Variants in SPATS2L observed in about 807,000 individuals in gnomAD.
SPATS2L encodes spermatogenesis associated serine rich 2 like, also known as SPATS2-like protein.
SPATS2L carries 30 observed loss-of-function variants against 59.6 expected under a neutral mutation model. The observed-to-expected ratio is 0.50, with a 90% CI of 0.38 to 0.68. The LOEUF (loss-of-function observed/expected upper bound fraction) is 0.68, where lower values mean the gene tolerates loss of function less well. SPATS2L is among the 30% of genes least tolerant of loss of function. The pLI is 0.00. For synonymous variants in SPATS2L, 252 were observed against 263.5 expected, an observed-to-expected ratio of 0.96 and a Z score of 0.42; for missense variants, 615 against 700.0, an observed-to-expected ratio of 0.88 and a Z score of 1.37.
chr2:200,346,464 C>G (rs2080516479), intron 2 of SPATS2L, among the ~76,000 whole-genome samples: 1 of 152,180 alleles, frequency 6.6e-6, no homozygotes, highest in Non-Finnish European at 1.5e-5. Flanking sequence ...CTTCATAACT[C>G]AAGACCAAAG....
intron 3 of SPATS2L, among the ~76,000 whole-genome samples, chr2:200,409,567 G>A (rs1180911995): frequency 2.6e-5 from 4 of 152,082 alleles, no homozygotes; most frequent in East Asian, 1.9e-4. Flanking sequence ...CTCCACATTC[G>A]CCAAGCCAAG....
At chr2:200,391,444 A>G (rs2082170574) in intron 3 of SPATS2L, among the ~76,000 whole-genome samples, 1 of 152,176 alleles carries the variant, frequency 6.6e-6, no homozygotes, top group Non-Finnish European at 1.5e-5. Context: ...CATGTAGTTT[A>G]TTTCATAAAT....
At chr2:200,419,572 G>A in intron 6 of SPATS2L, 76 bp downstream of exon 6, 2 of 1,507,874 alleles carry the variant, frequency 1.3e-6, no homozygotes, top group Non-Finnish European at 9.0e-7. Flanking sequence ...TGGGGCTGCT[G>A]TTGATGTTGT....
intron 2 of SPATS2L, among the ~76,000 whole-genome samples, chr2:200,366,656 A>G (rs2081277920): frequency 6.6e-6 from 1 of 152,242 alleles, no homozygotes; most frequent in African/African-American, 2.4e-5. Context: ...GCAAACTAAC[A>G]TCCCAGCAAA....
At chr2:200,350,697 T>C (rs2080693176) in intron 2 of SPATS2L, among the ~76,000 whole-genome samples, 1 of 152,042 alleles carries the variant, frequency 6.6e-6, no homozygotes, top group South Asian at 2.1e-4. Flanking sequence ...CTATGTTTTT[T>C]TGTTTGTTTG....
At chr2:200,325,489 C>T (rs2079705050) in intron 1 of SPATS2L, among the ~76,000 whole-genome samples, 2 of 152,168 alleles carry the variant, frequency 1.3e-5, no homozygotes, top group Admixed American at 6.5e-5. Context: ...AGTAATTCTG[C>T]TGCCTCAGCC....
chr2:200,477,825 G>C lies in SPATS2L; in HGVS notation c.1471G>C (p.Glu491Gln). 4 of 1,577,952 alleles carry C rather than the reference G, an allele frequency of 2.5e-6. No individual in the cohort carries two copies. Among genetic ancestry groups the C allele is most frequent in the Non-Finnish European group, 3.4e-6 (4 of 1,161,900 alleles). Residue 491 changes from glutamate (E) to glutamine (Q), a missense_variant, in exon 13 of 13, where the codon GAG (glutamate) becomes CAG (glutamine). Coordinates refer to ENST00000409140, the MANE Select transcript of SPATS2L (RefSeq NM_001100423.2). The part of the protein sequence containing the change: ...PKNKGGAKNQ[E>Q]ASLGMKTPEA... ...AAACAAAGGCGGTGCCAAAAATCAA[G>C]AGGCTTCCTTGGGGATGAAGACCCC... is the stretch of plus-strand genomic sequence containing the variant.
chr2:200,411,456 T>TA (rs1553524072), intron 3 of SPATS2L, among the ~76,000 whole-genome samples: 1 of 147,028 alleles, frequency 6.8e-6, no homozygotes, highest in Non-Finnish European at 1.5e-5. Flanking sequence ...AATGATCACT[T>TA]ACCTTTGCAC....
chr2:200,362,109 T>C (rs943808028), intron 2 of SPATS2L, among the ~76,000 whole-genome samples: 1 of 151,962 alleles, frequency 6.6e-6, no homozygotes, highest in Non-Finnish European at 1.5e-5. Flanking sequence ...TAGCTAGGCA[T>C]GGTGGCACAT....
At position 200,467,305 on chromosome 2, in the gene SPATS2L, C is replaced by T; in HGVS notation, c.863C>T (p.Ala288Val). The part of the protein sequence containing the change: ...VKEEAMEILT[A>V]RQKKAEELKR... ...TATTTGGCAGTGGAAATCCTGACTG[C>T]TCGTCAGAAGAAAGCAGAAGAACTA... is the stretch of plus-strand genomic sequence containing the variant. The change falls in exon 10 of 13, where the codon GCT becomes GTT. Residue 288 changes from alanine (A) to valine (V), a missense_variant. Physicochemically the swap from Ala to Val is moderately conservative, Grantham distance 64. Transcript: ENST00000409140. 6.2e-7 allele frequency: 1 copy of T among 1,613,482 alleles called. No individual in the cohort carries two copies. The highest frequency in any genetic ancestry group is 8.5e-7 in the Non-Finnish European group (1 of 1,179,408).
chr2:200,474,368 A>G (rs1026928570), intron 12 of SPATS2L, among the ~76,000 whole-genome samples: 4 of 150,662 alleles, frequency 2.7e-5, no homozygotes, highest in African/African-American at 9.8e-5. Flanking sequence ...TTTTTTTGGC[A>G]CAATCTCGGC....
chr2:200,331,021 C>T (rs1574414513), intron 2 of SPATS2L, among the ~76,000 whole-genome samples: 1 of 152,162 alleles, frequency 6.6e-6, no homozygotes, highest in East Asian at 1.9e-4. Flanking sequence ...AAAGGCTTTA[C>T]TTTTATCTTT....
intron 8 of SPATS2L, among the ~76,000 whole-genome samples, chr2:200,445,682 C>T (rs2084986838): frequency 6.6e-6 from 1 of 152,172 alleles, no homozygotes. Context: ...AAACATATAT[C>T]CTTGAAGCCC....
intron 8 of SPATS2L, among the ~76,000 whole-genome samples, chr2:200,446,312 G>A (rs192199096): frequency 1.2e-3 from 187 of 152,276 alleles, no homozygotes; most frequent in Non-Finnish European, 2.1e-3. Flanking sequence ...TCCAGCCTAG[G>A]TGACAGAGTG....
intron 9 of SPATS2L, among the ~76,000 whole-genome samples, chr2:200,464,688 C>T (rs1221829473): frequency 6.6e-6 from 1 of 151,964 alleles, no homozygotes; most frequent in Non-Finnish European, 1.5e-5. Flanking sequence ...CATTGTTGTC[C>T]AGGCAGGTCT....
Position 200,469,992 on chromosome 2 carries a change from G to A in SPATS2L, c.1036G>A (p.Ala346Thr), listed in dbSNP as rs34526345. 8,539 of 1,611,460 alleles carry A rather than the reference G, an allele frequency of 5.3e-3. 394 individuals are homozygous for A. In the African/African-American group the frequency reaches 0.099, roughly 19 times the overall value. The stretch of plus-strand genomic sequence containing the variant: ...TTCCTGTGACATCGAACAGCTGAAG[G>A]CCCAAATCATGCTCTGCGGAGAAAG... ...RFSCDIEQLK[A>T]QIMLCGEITH... The change falls in exon 11 of 13, where the codon GCC (alanine) becomes ACC (threonine). Residue 346 changes from alanine to threonine, a missense_variant. By Grantham distance (58) the Ala-to-Thr change is moderately conservative (BLOSUM62 0). This residue lies in a region of SPATS2L where 104 missense variants were observed against 162.5 expected (regional missense o/e 0.64). Transcript: ENST00000409140.
intron 9 of SPATS2L, among the ~76,000 whole-genome samples, chr2:200,463,765 G>A (rs2086403523): frequency 6.6e-6 from 1 of 152,216 alleles, no homozygotes; most frequent in Admixed American, 6.5e-5. Context: ...AAATTATGAA[G>A]TAGAATGCAA....
At chr2:200,366,377 G>T (rs1392051055) in intron 2 of SPATS2L, among the ~76,000 whole-genome samples, 1 of 152,104 alleles carries the variant, frequency 6.6e-6, no homozygotes, top group East Asian at 1.9e-4. Flanking sequence ...TCAAAAGGAG[G>T]CTTTTGAGCC....
chr2:200,417,888 G>A (rs2083130605), intron 5 of SPATS2L, among the ~76,000 whole-genome samples: 1 of 152,194 alleles, frequency 6.6e-6, no homozygotes, highest in Admixed American at 6.5e-5. Context: ...TTTCTTATGG[G>A]TCGGCGTCTG....
Sources: gnomAD v4.1 joint callset for allele counts (sites outside exome capture counted in the v4.1 genomes callset) on GRCh38, gnomAD v4.1.1 for gene constraint, gnomAD v4.1.1 regional missense constraint, MANE v1.5 for transcripts, NCBI Gene and HGNC (gene_info 2026-07-23, HGNC 2026-07-21) for gene names.